The following OXSR1 variants were observed in gnomAD, a reference collection of about 807,000 sequenced individuals.
The protein encoded by OXSR1 is serine/threonine-protein kinase OSR1.
In OXSR1, 24 loss-of-function variants were observed where a neutral mutation model predicts 79.8. The ratio of observed to expected loss-of-function variants is 0.30; its 90% CI spans 0.22 to 0.42. OXSR1 has a LOEUF of 0.42. OXSR1 is among the 10% of genes least tolerant of loss of function. OXSR1 has a pLI of 1.00. For synonymous variants in OXSR1, 226 were observed against 209.2 expected, an observed-to-expected ratio of 1.08 and a Z score of -0.69; for missense variants, 430 against 618.4, an observed-to-expected ratio of 0.70 and a Z score of 3.23.
intron 4 of OXSR1, among the ~76,000 whole-genome samples, chr3:38,200,377 A>C (rs1254974546): frequency 6.6e-6 from 1 of 151,992 alleles, no homozygotes; most frequent in Non-Finnish European, 1.5e-5. Flanking sequence ...TTTTTTTTAA[A>C]CCTTTCCTAT....
intron 4 of OXSR1, 113 bp from the exon 5 acceptor site, chr3:38,215,983 T>C (rs1702475082): frequency 1.5e-6 from 1 of 687,352 alleles, no homozygotes; most frequent in African/African-American, 1.8e-5. Context: ...TAATATAAAA[T>C]AGGACATTTA....
At chr3:38,237,641 GAT>G (rs1262715905) in intron 11 of OXSR1, among the ~76,000 whole-genome samples, 3 of 152,132 alleles carry the variant, frequency 2.0e-5, no homozygotes, top group African/African-American at 7.2e-5. Context: ...AGACTCTCTT[GAT>G]AAACACTGAA....
rs1308540765 is a variant in OXSR1 at position 38,165,951 on chromosome 3, G to T, written c.70+5G>T. On this transcript the variant is annotated splice_donor_5th_base_variant and intron_variant, in intron 1 of 17. Coordinates refer to ENST00000311806, the MANE Select transcript of OXSR1 (RefSeq NM_005109.3). Reference sequence around the variant, plus strand: ...ACGAGCTGCAGGAGGTGATCGGTGAGAGCAGGCGCTGCGGAGGGGGGAGGC... The same window carrying T: ...ACGAGCTGCAGGAGGTGATCGGTGATAGCAGGCGCTGCGGAGGGGGGAGGC... 6.2e-7 allele frequency: 1 copy of T among 1,610,212 alleles called. No individual in the cohort carries two copies. The highest frequency in any genetic ancestry group is 1.7e-5 in the Admixed American group (1 of 59,902).
intron 13 of OXSR1, among the ~76,000 whole-genome samples, 169 bp from the exon 14 acceptor site, chr3:38,247,499 C>T (rs1259174574): frequency 2.0e-5 from 3 of 152,106 alleles, no homozygotes; most frequent in Non-Finnish European, 4.4e-5. Context: ...TTGTTGCTGC[C>T]TTGGAGTGCA....
intron 3 of OXSR1, among the ~76,000 whole-genome samples, chr3:38,191,108 A>G (rs1404630135): frequency 6.6e-6 from 1 of 152,110 alleles, no homozygotes; most frequent in Non-Finnish European, 1.5e-5. Flanking sequence ...GCAGTGGTGC[A>G]ATCATAGCTC....
At chr3:38,203,800 A>C (rs1485164283) in intron 4 of OXSR1, among the ~76,000 whole-genome samples, 1 of 152,142 alleles carries the variant, frequency 6.6e-6, no homozygotes, top group African/African-American at 2.4e-5. Context: ...ACATCACAGC[A>C]CTGAGTCTTC....
At chr3:38,185,566 A>G (rs1701869541) in intron 2 of OXSR1, among the ~76,000 whole-genome samples, 1 of 152,194 alleles carries the variant, frequency 6.6e-6, no homozygotes, top group African/African-American at 2.4e-5. Context: ...AGCTTGGGTG[A>G]CAGAGCAAGA....
intron 10 of OXSR1, among the ~76,000 whole-genome samples, chr3:38,232,880 A>G (rs1702839484): frequency 6.6e-6 from 1 of 152,232 alleles, no homozygotes; most frequent in Non-Finnish European, 1.5e-5. Flanking sequence ...TTAGTGGTAA[A>G]GGACTTGGCA....
chr3:38,251,529 A>G, intron 16 of OXSR1, 58 bp downstream of exon 16: 3 of 1,366,992 alleles, frequency 2.2e-6, no homozygotes, highest in Non-Finnish European at 3.1e-6. Context: ...TACTTAGTAC[A>G]TAGAAAAGCA....
In OXSR1 at chr3:38,183,036, A is replaced by C. The variant is rs552561847; in HGVS notation, c.104A>C (p.Tyr35Ser). The C allele has an allele frequency of 1.9e-6, 3 of 1,613,182 alleles. No homozygotes were observed. The highest frequency in any genetic ancestry group is 8.5e-7 in the Non-Finnish European group (1 of 1,179,480). Residue 35 changes from tyrosine to serine, a missense_variant, in exon 2 of 18, where the codon TAT becomes TCT. Around this residue, in one of 3 missense-constraint regions of OXSR1, gnomAD observed 145 missense variants for 228.3 expected, o/e 0.64. Transcript: ENST00000311806. ...SGATAVVQAAYCAPKKEKVAI... is the reference protein window; with the variant it reads ...SGATAVVQAASCAPKKEKVAI... ...GCAACTGCTGTAGTCCAAGCAGCTT[A>C]TTGTGCCCCTAAAAAGGAGAAAGTG...
intron 4 of OXSR1, among the ~76,000 whole-genome samples, chr3:38,212,472 T>C (rs1467392238): frequency 6.6e-6 from 1 of 152,234 alleles, no homozygotes; most frequent in Non-Finnish European, 1.5e-5. Context: ...TTAGAGAGGC[T>C]GGCTGTGACA....
rs917486372 is a variant in OXSR1 at position 38,165,743 on chromosome 3, C to T, written c.-134C>T. 5.1e-6 allele frequency: 4 copies of T among 783,484 alleles called. No homozygotes were observed. In the Admixed American group the frequency reaches 7.6e-5, roughly 15 times the overall value. The allele number at this position is 783,484 out of a possible 1,614,324, so 48.5% of individuals were successfully genotyped here. On this transcript the variant is annotated 5_prime_UTR_variant, in exon 1 of 18. Coordinates refer to ENST00000311806, the MANE Select transcript of OXSR1 (RefSeq NM_005109.3). Reference sequence around the variant, plus strand: ...GACCCCGCGCCCCGGCGCCGTCCGACCCGTGGCTGTTCCGAGACGATTGGT... The same window carrying T: ...GACCCCGCGCCCCGGCGCCGTCCGATCCGTGGCTGTTCCGAGACGATTGGT...
chr3:38,210,555 G>C (rs374314727), intron 4 of OXSR1, among the ~76,000 whole-genome samples: 9 of 152,160 alleles, frequency 5.9e-5, no homozygotes, highest in Admixed American at 5.2e-4. Context: ...CCAAGTGTAT[G>C]AGTCTCCCTT....
At chr3:38,165,008 C>T (rs895677414), upstream of OXSR1, 3 of 152,246 alleles carry the variant, frequency 2.0e-5, no homozygotes, top group South Asian at 6.2e-4. Flanking sequence ...TAGAGCCTTT[C>T]GCACGTCTCG....
chr3:38,208,169 C>T (rs1332238082), intron 4 of OXSR1, among the ~76,000 whole-genome samples: 1 of 152,028 alleles, frequency 6.6e-6, no homozygotes, highest in East Asian at 1.9e-4. Context: ...CTTAACAGTG[C>T]CGGAAAAATA....
At chr3:38,179,028 C>CT (rs35570159) in intron 1 of OXSR1, among the ~76,000 whole-genome samples, 14,734 of 103,516 alleles carry the variant, frequency 0.14, 1,745 homozygotes, top group East Asian at 0.29. Context: ...CCACACCTGG[C>CT]TTTTTTTTTT....
chr3:38,193,162 C>T (rs1702013341), intron 3 of OXSR1: 3 of 596,350 alleles, frequency 5.0e-6, no homozygotes, highest in Non-Finnish European at 8.1e-6. Context: ...GTAAATCATC[C>T]ACCACTGTGC....
At chr3:38,207,434 CA>C (rs1349024370) in intron 4 of OXSR1, among the ~76,000 whole-genome samples, 3 of 152,292 alleles carry the variant, frequency 2.0e-5, no homozygotes, top group South Asian at 2.1e-4. Context: ...ACCACATCCA[CA>C]TTTCAGCGGA....
intron 1 of OXSR1, among the ~76,000 whole-genome samples, chr3:38,181,340 T>C (rs1204297159): frequency 6.6e-6 from 1 of 151,698 alleles, no homozygotes; most frequent in Non-Finnish European, 1.5e-5. Flanking sequence ...TTCTGTTTTT[T>C]ATTTGTTTCA....
Sources: allele counts gnomAD v4.1 joint callset (sites outside exome capture counted in the v4.1 genomes callset), GRCh38; gene constraint gnomAD v4.1.1; regional missense constraint gnomAD v4.1.1; transcripts MANE v1.5; gene names NCBI Gene and HGNC (gene_info 2026-07-23, HGNC 2026-07-21).